ANKS1B: variants seen among roughly 807,000 people sequenced by gnomAD.
The protein encoded by ANKS1B is ankyrin repeat and sterile alpha motif domain containing 1B.
ANKS1B carries 36 observed loss-of-function variants against 148.3 expected under a neutral mutation model. The ratio of observed to expected loss-of-function variants is 0.24; its 90% CI spans 0.19 to 0.32. The LOEUF (loss-of-function observed/expected upper bound fraction) is 0.32. ANKS1B is among the 10% of genes least tolerant of loss of function. The pLI is 1.00. For missense variants in ANKS1B, 1,157 were observed against 1,542.6 expected, an observed-to-expected ratio of 0.75 and a Z score of 4.19; for synonymous variants, 542 against 560.8, an observed-to-expected ratio of 0.97 and a Z score of 0.47.
intron 9 of ANKS1B, among the ~76,000 whole-genome samples, chr12:99,647,496 T>G (rs186859508): frequency 6.6e-6 from 1 of 152,322 alleles, no homozygotes; most frequent in East Asian, 1.9e-4. Flanking sequence ...ATTAAACTCT[T>G]GCCTTGCACA....
At chr12:99,194,575 T>C (rs61940189) in intron 14 of ANKS1B, among the ~76,000 whole-genome samples, 18,969 of 152,134 alleles carry the variant, frequency 0.12, 1,419 homozygotes, top group South Asian at 0.25. Context: ...ATTAAAACTC[T>C]TAAGAGGCCA....
intron 8 of ANKS1B, among the ~76,000 whole-genome samples, chr12:99,763,147 T>G (rs979635893): frequency 1.3e-5 from 2 of 152,168 alleles, no homozygotes; most frequent in Non-Finnish European, 2.9e-5. Context: ...ACTGGGTGTA[T>G]GACCACAGGA....
chr12:99,345,285 C>A (rs1404222680), intron 12 of ANKS1B, among the ~76,000 whole-genome samples: 1 of 151,996 alleles, frequency 6.6e-6, no homozygotes, highest in African/African-American at 2.4e-5. Flanking sequence ...CCTTTCTTTG[C>A]AGCCCTCTCT....
At position 98,784,055 on chromosome 12, in the gene ANKS1B, G is replaced by A. The variant is rs372577444; in HGVS notation, c.3343-1918C>T. ...GATCTGCTATGGAAGATGAATGGGT[G>A]GGAGGATTCCACAGATGAAGAAGCC... On this transcript the variant is annotated intron_variant, in intron 22 of 26. Transcript: ENST00000683438. Among the ~76,000 whole-genome samples the A allele has an allele frequency of 2.5e-4, 38 of 152,326 alleles. 1 individual carries two copies. In the East Asian group the frequency reaches 4.6e-3, roughly 19 times the overall value.
At chr12:99,688,983 A>G (rs1470905729) in intron 8 of ANKS1B, among the ~76,000 whole-genome samples, 3 of 152,218 alleles carry the variant, frequency 2.0e-5, no homozygotes, top group African/African-American at 7.2e-5. Flanking sequence ...TACCTATGTG[A>G]TCTTGGACTA....
intron 17 of ANKS1B, among the ~76,000 whole-genome samples, chr12:99,020,446 T>C (rs1439086013): frequency 2.0e-5 from 3 of 152,164 alleles, no homozygotes; most frequent in Admixed American, 6.6e-5. Flanking sequence ...TGACAGAATC[T>C]TTGGCTGATT....
At chr12:99,697,273 A>G (rs1599925366) in intron 8 of ANKS1B, among the ~76,000 whole-genome samples, 1 of 152,188 alleles carries the variant, frequency 6.6e-6, no homozygotes, top group South Asian at 2.1e-4. Flanking sequence ...CCACAGAAAA[A>G]TCTGCACAGG....
chr12:98,926,429 A>G (rs201381), intron 17 of ANKS1B, among the ~76,000 whole-genome samples: 131,440 of 152,126 alleles, frequency 0.86, 57,281 homozygotes, highest in East Asian at 1. Context: ...AGGAATATGA[A>G]TTCCAGAATT....
intron 12 of ANKS1B, among the ~76,000 whole-genome samples, chr12:99,255,310 G>GT (rs1290884517): frequency 1.3e-5 from 2 of 151,920 alleles, no homozygotes; most frequent in Non-Finnish European, 2.9e-5. Context: ...ACTTTGAATG[G>GT]TTTTTTGTAT....
chr12:99,356,936 CTTT>C (rs11406224), intron 12 of ANKS1B, among the ~76,000 whole-genome samples: 1 of 146,062 alleles, frequency 6.8e-6, no homozygotes, highest in Non-Finnish European at 1.5e-5. Context: ...TTCTTCTAGA[CTTT>C]TTTTTTTTTG....
At chr12:99,472,897 C>A (rs1209318965) in intron 10 of ANKS1B, among the ~76,000 whole-genome samples, 2 of 152,104 alleles carry the variant, frequency 1.3e-5, no homozygotes, top group African/African-American at 4.8e-5. Flanking sequence ...AAGCTCACCT[C>A]TGGCTGGAGA....
intron 9 of ANKS1B, among the ~76,000 whole-genome samples, chr12:99,561,088 C>T (rs2097331675): frequency 6.6e-6 from 1 of 152,018 alleles, no homozygotes; most frequent in Non-Finnish European, 1.5e-5. Flanking sequence ...CCTTGTGATC[C>T]ACCCGCCTCG....
chr12:99,501,490 A>C (rs1269544196), intron 10 of ANKS1B, among the ~76,000 whole-genome samples: 1 of 152,110 alleles, frequency 6.6e-6, no homozygotes, highest in Non-Finnish European at 1.5e-5. Context: ...GCAATCTGTG[A>C]GGGCTAGTTA....
intron 1 of ANKS1B, among the ~76,000 whole-genome samples, chr12:99,927,703 G>A (rs1340789245): frequency 6.6e-6 from 1 of 152,024 alleles, no homozygotes; most frequent in Non-Finnish European, 1.5e-5. Context: ...GATCACTTGG[G>A]CCCAGGAGTT....
At chr12:99,085,176 C>A in intron 15 of ANKS1B, 153 bp from the exon 16 acceptor site, 4 of 650,672 alleles carry the variant, frequency 6.1e-6, no homozygotes, top group Non-Finnish European at 8.0e-6. Context: ...AGGGCAGAGT[C>A]GGTCACCTTG....
chr12:99,612,630 T>G (rs1374300227), intron 9 of ANKS1B, among the ~76,000 whole-genome samples: 1 of 152,106 alleles, frequency 6.6e-6, no homozygotes, highest in South Asian at 2.1e-4. Context: ...TCATTATGCT[T>G]ATTTAACTTT....
intron 14 of ANKS1B, among the ~76,000 whole-genome samples, chr12:99,205,287 C>T (rs895065689): frequency 6.6e-6 from 1 of 152,152 alleles, no homozygotes; most frequent in Non-Finnish European, 1.5e-5. Flanking sequence ...TTTTTGTTTT[C>T]TATTTTTGCT....
intron 14 of ANKS1B, 88 bp from the exon 15 acceptor site, chr12:99,154,483 G>C (rs1234110674): frequency 6.8e-6 from 11 of 1,611,162 alleles, no homozygotes; most frequent in Non-Finnish European, 9.3e-6. Flanking sequence ...AGGTGGCATT[G>C]CCACATCATG....
intron 17 of ANKS1B, among the ~76,000 whole-genome samples, chr12:98,854,914 C>G (rs2099554116): frequency 6.6e-6 from 1 of 151,700 alleles, no homozygotes; most frequent in Non-Finnish European, 1.5e-5. Context: ...AATCCCAGCA[C>G]TTTGGGAGGC....
Sources: gnomAD v4.1 joint callset for allele counts (sites outside exome capture counted in the v4.1 genomes callset) on GRCh38, gnomAD v4.1.1 for gene constraint, MANE v1.5 for transcripts, NCBI Gene and HGNC (gene_info 2026-07-23, HGNC 2026-07-21) for gene names.